PRKCI: variants seen among roughly 807,000 people sequenced by gnomAD.
PRKCI encodes protein kinase C iota type.
Under a neutral mutation model 84.0 loss-of-function variants are expected in PRKCI, and 43 were observed. The observed-to-expected ratio is 0.51, with a 90% confidence interval of 0.40 to 0.66. The LOEUF (loss-of-function observed/expected upper bound fraction) is 0.66, where lower values mean the gene tolerates loss of function less well. Ranked by LOEUF, PRKCI falls within the 30% of genes least tolerant of loss-of-function variation. The probability of loss-of-function intolerance (pLI) is 0.00; values close to 1 mark genes in which losing one functional copy is unlikely to be tolerated. For synonymous variants in PRKCI, 216 were observed against 234.4 expected, an observed-to-expected ratio of 0.92 and a Z score of 0.72; for missense variants, 459 against 745.6, an observed-to-expected ratio of 0.62 and a Z score of 4.48.
At chr3:170,242,970 C>G (rs1461085188) in intron 2 of PRKCI, among the ~76,000 whole-genome samples, 1 of 152,052 alleles carries the variant, frequency 6.6e-6, no homozygotes, top group African/African-American at 2.4e-5. Context: ...TGCGCCCGGC[C>G]TCTTGAACAT....
chr3:170,294,629 T>A (rs1364052460), intron 14 of PRKCI, among the ~76,000 whole-genome samples: 1 of 152,192 alleles, frequency 6.6e-6, no homozygotes, highest in Non-Finnish European at 1.5e-5. Context: ...TCCAAAAAAA[T>A]TGCATATTAT....
chr3:170,250,773 A>G (rs532838356), intron 2 of PRKCI, among the ~76,000 whole-genome samples: 1 of 152,150 alleles, frequency 6.6e-6, no homozygotes, highest in Non-Finnish European at 1.5e-5. Flanking sequence ...AGGAACTGCC[A>G]GTTTTCCAGA....
intron 3 of PRKCI, 57 bp from the exon 4 acceptor site, chr3:170,263,322 G>C: frequency 7.1e-7 from 1 of 1,417,866 alleles, no homozygotes; most frequent in South Asian, 1.2e-5. Flanking sequence ...TTTAAATTCT[G>C]TGTAATTTGT....
chr3:170,302,472 A>G (rs1157434058), intron 17 of PRKCI, among the ~76,000 whole-genome samples: 9 of 152,184 alleles, frequency 5.9e-5, no homozygotes, highest in Non-Finnish European at 1.2e-4. Flanking sequence ...GGCATAATAC[A>G]TTTATGTATT....
At chr3:170,247,787 G>A (rs1205488125) in intron 2 of PRKCI, among the ~76,000 whole-genome samples, 1 of 149,470 alleles carries the variant, frequency 6.7e-6, no homozygotes, top group African/African-American at 2.5e-5. Flanking sequence ...TTCATGGGAT[G>A]GCATGTATTT....
chr3:170,255,055 C>CTTT (rs34437904), intron 2 of PRKCI, among the ~76,000 whole-genome samples: 1 of 38,854 alleles, frequency 2.6e-5, no homozygotes, highest in Non-Finnish European at 4.3e-5. Flanking sequence ...AGATCTTTCA[C>CTTT]TTTTTTTTTT....
chr3:170,277,586 C>T (rs943037992), intron 8 of PRKCI, among the ~76,000 whole-genome samples: 11 of 150,794 alleles, frequency 7.3e-5, no homozygotes, highest in Admixed American at 1.3e-4. Context: ...CCCAGCTGCT[C>T]GGGAGGCTGA....
At chr3:170,276,695 A>C (rs1246274794) in intron 8 of PRKCI, among the ~76,000 whole-genome samples, 1 of 152,104 alleles carries the variant, frequency 6.6e-6, no homozygotes, top group African/African-American at 2.4e-5. Context: ...CTAGAAGAAA[A>C]CCTAGGAAAT....
Position 170,295,312 on chromosome 3 carries a change from C to A in PRKCI, c.1418-599C>A, listed in dbSNP as rs1281100422. ...CCAAGGCAGGAGGATTGCTTGAACC[C>A]AGGAGTTCAAGACCAGCTTGAGCAA... On this transcript the variant is annotated intron_variant, in intron 14 of 17. Transcript: ENST00000295797. Among the ~76,000 whole-genome samples the A allele has an allele frequency of 3.9e-5, 6 of 152,106 alleles. No individual in the cohort carries two copies. In the East Asian group the frequency reaches 1.2e-3, roughly 29 times the overall value.
intron 13 of PRKCI, among the ~76,000 whole-genome samples, chr3:170,292,481 T>C (rs2108865244): frequency 6.6e-6 from 1 of 152,338 alleles, no homozygotes; most frequent in South Asian, 2.1e-4. Flanking sequence ...ATTTGACTTT[T>C]TGGGTTTTGG....
chr3:170,305,125 G>A lies in PRKCI; in HGVS notation c.*1998G>A, dbSNP rs1734924601. ...CTTCAAATCATAAACTTAGAATTCT[G>A]TATCTCATGTCAGAAATATGTTTAT... On this transcript the variant is annotated 3_prime_UTR_variant, in exon 18 of 18. Coordinates refer to ENST00000295797, the MANE Select transcript of PRKCI (RefSeq NM_002740.6). The A allele has an allele frequency of 6.6e-6, 1 of 152,524 alleles. No homozygotes were observed. The highest frequency in any genetic ancestry group is 1.5e-5 in the Non-Finnish European group (1 of 68,024). The allele number at this position is 152,524 out of a possible 1,614,324, so 9.4% of individuals were successfully genotyped here. A position where few individuals can be genotyped will look rare whatever the true frequency, so the allele number is the denominator to read the frequency against.
chr3:170,258,963 A>T (rs1183843457), intron 2 of PRKCI, among the ~76,000 whole-genome samples: 1 of 152,150 alleles, frequency 6.6e-6, no homozygotes, highest in Non-Finnish European at 1.5e-5. Flanking sequence ...TTCCCATTAG[A>T]CACATAGCAG....
At position 170,222,524 on chromosome 3, in the gene PRKCI, T is replaced by A. The variant is rs921819368; in HGVS notation, c.-146T>A. On this transcript the variant is annotated 5_prime_UTR_variant, in exon 1 of 18. The change creates a new upstream start codon in the 5' untranslated region. Coordinates refer to ENST00000295797, the MANE Select transcript of PRKCI (RefSeq NM_002740.6). ...TCCGGCTGCTCCGGCGAGGCGACCCTTGGGTCGGCGCTGCGGGCGAGGTGG... is the reference window on the plus strand; with the variant it reads ...TCCGGCTGCTCCGGCGAGGCGACCCATGGGTCGGCGCTGCGGGCGAGGTGG... The A allele has an allele frequency of 3.0e-6, 2 of 669,342 alleles. No homozygotes were observed. The highest frequency in any genetic ancestry group is 5.6e-5 in the South Asian group (2 of 35,924). The allele number at this position is 669,342 out of a possible 1,614,324, so 41.5% of individuals were successfully genotyped here. A position where few individuals can be genotyped will look rare whatever the true frequency, so the allele number is the denominator to read the frequency against.
intron 2 of PRKCI, among the ~76,000 whole-genome samples, chr3:170,257,676 T>G (rs1488704313): frequency 2.0e-5 from 3 of 151,456 alleles, no homozygotes; most frequent in Non-Finnish European, 4.4e-5. Flanking sequence ...TTTTTTTTTT[T>G]TTTTTGAGAC....
Position 170,277,438 on chromosome 3 carries a change from G to A in PRKCI, c.705+2151G>A, listed in dbSNP as rs140034956. Among the ~76,000 whole-genome samples the A allele has an allele frequency of 1.6e-3, 245 of 152,256 alleles. No individual in the cohort carries two copies. In the Middle Eastern group the frequency reaches 0.031, roughly 19 times the overall value. ...ACTAAAAAATCAACTTGGGCGTGATGGCTCACACATGTAATCCCAGCACTT... is the reference window on the plus strand; with the variant it reads ...ACTAAAAAATCAACTTGGGCGTGATAGCTCACACATGTAATCCCAGCACTT... On this transcript the variant is annotated intron_variant, in intron 8 of 17. Coordinates refer to ENST00000295797, the MANE Select transcript of PRKCI (RefSeq NM_002740.6).
rs199584503 is a variant in PRKCI at position 170,222,623 on chromosome 3, C to T, written c.-47C>T. 7 of 1,467,626 alleles carry T rather than the reference C, an allele frequency of 4.8e-6. No homozygotes were observed. In the East Asian group the frequency reaches 1.4e-4, roughly 29 times the overall value. The allele number at this position is 1,467,626 out of a possible 1,614,324, so 90.9% of individuals were successfully genotyped here. Reference sequence around the variant, plus strand: ...GGAGTCCCCCACGGCGCCCGAAGCGCCCCCCCGCACCCCCGGCCTCCAGCG... The same window carrying T: ...GGAGTCCCCCACGGCGCCCGAAGCGTCCCCCCGCACCCCCGGCCTCCAGCG... On this transcript the variant is annotated 5_prime_UTR_variant, in exon 1 of 18. Transcript: ENST00000295797.
At chr3:170,270,293 CTTTTGT>C in intron 5 of PRKCI, 122 bp from the exon 6 acceptor site, 11 of 923,330 alleles carry the variant, frequency 1.2e-5, no homozygotes, top group Non-Finnish European at 1.6e-5. Flanking sequence ...CTTTGTTTTG[CTTTTGT>C]TTTTGTTTTT....
intron 6 of PRKCI, among the ~76,000 whole-genome samples, chr3:170,272,784 T>C (rs1734032898): frequency 6.6e-6 from 1 of 152,204 alleles, no homozygotes; most frequent in South Asian, 2.1e-4. Flanking sequence ...CGCCATTATT[T>C]GGGTAAGTTG....
At chr3:170,270,634 A>G in intron 6 of PRKCI, 73 bp downstream of exon 6, 2 of 1,466,758 alleles carry the variant, frequency 1.4e-6, no homozygotes, top group African/African-American at 1.4e-5. Context: ...ACAGAGTGCT[A>G]AAATAGGGAG....
Sources: allele counts gnomAD v4.1 joint callset (sites outside exome capture counted in the v4.1 genomes callset), GRCh38; gene constraint gnomAD v4.1.1; transcripts MANE v1.5; gene names NCBI Gene and HGNC (gene_info 2026-07-23, HGNC 2026-07-21).